CSF2RA: variants seen among roughly 807,000 people sequenced by gnomAD.
CSF2RA encodes the protein colony stimulating factor 2 receptor subunit alpha.
In CSF2RA, 42 loss-of-function variants were observed where a neutral mutation model predicts 51.6. That is an observed-to-expected ratio of 0.81 (90% CI 0.64 to 1.05). The LOEUF (loss-of-function observed/expected upper bound fraction) is 1.05. CSF2RA is among the 50% of genes least tolerant of loss of function. The pLI is 0.00. For missense variants in CSF2RA, 530 were observed against 501.1 expected (o/e 1.06, Z -0.55); for synonymous variants, 222 against 193.0 (o/e 1.15, Z -1.24).
chrX:1,310,983 C>T (rs764135711), downstream of CSF2RA, among the ~76,000 whole-genome samples: 2 of 152,022 alleles, frequency 1.3e-5, no homozygotes, highest in South Asian at 2.1e-4. Flanking sequence ...CATGGTGGCT[C>T]ACGCCTGTAA....
Position 1,286,430 on chromosome X carries a change from A to G in CSF2RA, c.219+510A>G, listed in dbSNP as rs113703812. Among the ~76,000 whole-genome samples the G allele has an allele frequency of 4.5e-3, 677 of 150,792 alleles. 3 individuals are homozygous for G. Among genetic ancestry groups the G allele is most frequent in the African/African-American group, 0.016 (656 of 41,058 alleles). ...CTAAAAATACAAAAATTAGTCGGGC[A>G]TGGTGGCAGGCATCTGTAATCCCAG... is the stretch of plus-strand genomic sequence containing the variant. On this transcript the variant is annotated intron_variant, in intron 4 of 12. Transcript: ENST00000381529.
At chrX:1,314,153 A>G (rs1229185526), downstream of CSF2RA, among the ~76,000 whole-genome samples, 1 of 151,384 alleles carries the variant, frequency 6.6e-6, no homozygotes, top group African/African-American at 2.4e-5. Flanking sequence ...TCTCCAAGGA[A>G]TGGGTGGGCA....
Position 1,309,504 on chromosome X carries a change from T to C in CSF2RA, c.*25T>C, listed in dbSNP as rs755866552. On this transcript the variant is annotated 3_prime_UTR_variant, in exon 13 of 13. Transcript: ENST00000381529. Reference sequence around the variant, plus strand: ...AGACCCAGAGGGTGTAGGAATGGCATGGACATCTCCGCCTCCGCGACACGG... The same window carrying C: ...AGACCCAGAGGGTGTAGGAATGGCACGGACATCTCCGCCTCCGCGACACGG... The C allele has an allele frequency of 6.2e-7, 1 of 1,613,986 alleles. No homozygotes were observed. Among genetic ancestry groups the C allele is most frequent in the Non-Finnish European group, 8.5e-7 (1 of 1,179,852 alleles).
chrX:1,270,908 G>A (rs1258258587), intron 1 of CSF2RA, among the ~76,000 whole-genome samples: 1 of 150,766 alleles, frequency 6.6e-6, no homozygotes, highest in Non-Finnish European at 1.5e-5. Context: ...GGGGCGTGGT[G>A]GCGGGCGCCT....
chrX:1,307,908 C>G (rs2083826505), intron 12 of CSF2RA, among the ~76,000 whole-genome samples: 1 of 146,164 alleles, frequency 6.8e-6, no homozygotes, highest in South Asian at 2.2e-4. Context: ...TGAGACCCAC[C>G]CTTCCCATTT....
chrX:1,318,897 A>G, the CSF2RA span, among the ~76,000 whole-genome samples: 5 of 143,424 alleles, frequency 3.5e-5, no homozygotes, highest in African/African-American at 5.2e-5. Flanking sequence ...AGCCTGGGTT[A>G]CAGAGCAAGA....
the CSF2RA span, among the ~76,000 whole-genome samples, chrX:1,317,918 C>T: frequency 4.6e-5 from 7 of 151,820 alleles, no homozygotes; most frequent in Admixed American, 3.3e-4. Context: ...ACAATCCTCC[C>T]ACCTCGGCCT....
At chrX:1,311,785 C>T (rs1444303224), downstream of CSF2RA, among the ~76,000 whole-genome samples, 4 of 152,020 alleles carry the variant, frequency 2.6e-5, no homozygotes, top group Non-Finnish European at 4.4e-5. Context: ...TGGGGAATCC[C>T]TTTGTAGCAA....
intron 3 of CSF2RA, among the ~76,000 whole-genome samples, chrX:1,285,047 G>A: frequency 6.6e-6 from 1 of 150,462 alleles, no homozygotes; most frequent in Admixed American, 6.6e-5. Context: ...CATCACACCT[G>A]CCTAATTTAA....
the CSF2RA span, among the ~76,000 whole-genome samples, chrX:1,318,517 C>T: frequency 6.6e-6 from 1 of 151,804 alleles, no homozygotes; most frequent in East Asian, 1.9e-4. Flanking sequence ...TCTCCTCTTA[C>T]CCCCAGGCCG....
At chrX:1,314,497 G>A (rs1267983142), downstream of CSF2RA, among the ~76,000 whole-genome samples, 2,664 of 90,402 alleles carry the variant, frequency 0.029, 73 homozygotes, top group Non-Finnish European at 0.04. Flanking sequence ...ACCCCACTGT[G>A]CCTGCCCAAC....
the CSF2RA span, among the ~76,000 whole-genome samples, chrX:1,323,053 C>T: frequency 6.6e-5 from 10 of 151,746 alleles, no homozygotes; most frequent in East Asian, 1.9e-4. Flanking sequence ...GGCGTGAACC[C>T]GGGAGGTGGA....
At chrX:1,313,034 A>G (rs2084252626), downstream of CSF2RA, among the ~76,000 whole-genome samples, 1 of 151,790 alleles carries the variant, frequency 6.6e-6, no homozygotes. Flanking sequence ...AAGCAGGTCC[A>G]CCTCCCCAAG....
the CSF2RA span, among the ~76,000 whole-genome samples, chrX:1,315,569 AATTTTTTAT>A: frequency 6.6e-6 from 1 of 151,912 alleles, no homozygotes; most frequent in South Asian, 2.1e-4. Flanking sequence ...ACCCCCAGCC[AATTTTTTAT>A]ATTTTTTGTA....
intron 3 of CSF2RA, among the ~76,000 whole-genome samples, chrX:1,283,715 C>T (rs1398266856): frequency 6.6e-6 from 1 of 151,772 alleles, no homozygotes; most frequent in Non-Finnish European, 1.5e-5. Flanking sequence ...TTACAGGCGC[C>T]TGCCACCAGG....
At chrX:1,305,874 G>C (rs2083511647) in intron 12 of CSF2RA, 1 of 1,305,126 alleles carries the variant, frequency 7.7e-7, no homozygotes. Flanking sequence ...TGAGGTCAGA[G>C]GTTCGAGACC....
At chrX:1,314,580 C>T (rs1174796061), downstream of CSF2RA, among the ~76,000 whole-genome samples, 1 of 44,396 alleles carries the variant, frequency 2.3e-5, no homozygotes, top group African/African-American at 7.8e-5. Flanking sequence ...TGCACCTGCC[C>T]AACCCCACTG....
chrX:1,306,374 C>T (rs1164527528), intron 12 of CSF2RA, among the ~76,000 whole-genome samples: 10 of 151,858 alleles, frequency 6.6e-5, no homozygotes, highest in South Asian at 4.2e-4. Context: ...GGGCCGGTCG[C>T]GGTGACTCAC....
At chrX:1,305,803 A>C in intron 12 of CSF2RA, 1 of 1,548,718 alleles carries the variant, frequency 6.5e-7, no homozygotes, top group Non-Finnish European at 8.7e-7. Flanking sequence ...AGAGAGGGCC[A>C]GGCACGGTGG....
Sources: gnomAD v4.1 joint callset for allele counts (sites outside exome capture counted in the v4.1 genomes callset) on GRCh38, gnomAD v4.1.1 for gene constraint, MANE v1.5 for transcripts, NCBI Gene and HGNC (gene_info 2026-07-23, HGNC 2026-07-21) for gene names.